The following SMIM31 variants were observed in gnomAD, a reference collection of about 807,000 sequenced individuals.
The protein encoded by SMIM31 is human epithelial cell program regulator.
At chr4:164,767,188 C>T (rs1732731110) in intron 1 of SMIM31, among the ~76,000 whole-genome samples, 2 of 152,110 alleles carry the variant, frequency 1.3e-5, no homozygotes, top group Admixed American at 6.6e-5. Flanking sequence ...AAAGATCATT[C>T]CCTTCGTGAT....
intron 2 of SMIM31, among the ~76,000 whole-genome samples, chr4:164,786,785 A>G (rs1265042374): frequency 6.6e-6 from 1 of 152,220 alleles, no homozygotes; most frequent in Non-Finnish European, 1.5e-5. Context: ...ACATTTGGAC[A>G]CTTTACATTG....
intron 1 of SMIM31, 49 bp downstream of exon 1, chr4:164,754,460 T>TC (rs1491543315): frequency 3.4e-5 from 3 of 88,404 alleles, no homozygotes; most frequent in South Asian, 7.5e-4. Flanking sequence ...ACTCTCTCTC[T>TC]TTTTTTTTTT....
chr4:164,767,833 T>C (rs993996963), intron 1 of SMIM31, among the ~76,000 whole-genome samples: 3 of 152,196 alleles, frequency 2.0e-5, no homozygotes, highest in African/African-American at 7.2e-5. Flanking sequence ...ATATCTATTA[T>C]CCCACTATGT....
At chr4:164,778,653 A>G (rs1732908376) in intron 2 of SMIM31, among the ~76,000 whole-genome samples, 1 of 152,178 alleles carries the variant, frequency 6.6e-6, no homozygotes, top group African/African-American at 2.4e-5. Context: ...TGCTATGTCT[A>G]CTTTGGAGAT....
intron 1 of SMIM31, among the ~76,000 whole-genome samples, chr4:164,759,551 C>T (rs1732618077): frequency 6.6e-6 from 1 of 152,168 alleles, no homozygotes; most frequent in Admixed American, 6.5e-5. Flanking sequence ...AAGCTTTTTC[C>T]ATTTAACTAA....
chr4:164,783,294 A>AG (rs1309555768), intron 2 of SMIM31, among the ~76,000 whole-genome samples: 9 of 148,680 alleles, frequency 6.1e-5, no homozygotes, highest in Non-Finnish European at 1.3e-4. Flanking sequence ...GAGGCTAAGG[A>AG]GGGTGAATCA....
intron 1 of SMIM31, among the ~76,000 whole-genome samples, chr4:164,757,299 T>C (rs934169435): frequency 2.6e-5 from 4 of 152,208 alleles, no homozygotes; most frequent in Non-Finnish European, 4.4e-5. Context: ...TTTTCATAAG[T>C]ATGTATTGCT....
chr4:164,774,308 A>C (rs572041940), intron 2 of SMIM31, among the ~76,000 whole-genome samples: 23 of 152,276 alleles, frequency 1.5e-4, no homozygotes, highest in Non-Finnish European at 2.5e-4. Flanking sequence ...ACACAAATCA[A>C]TTGCAAGGTG....
Position 164,768,891 on chromosome 4 carries a change from G to A in SMIM31, c.-25-1528G>A, listed in dbSNP as rs79136527. 7.9e-3 allele frequency among the ~76,000 whole-genome samples: 1,197 copies of A among 152,270 alleles called. 12 individuals are homozygous for A. Among genetic ancestry groups the A allele is most frequent in the Non-Finnish European group, 0.014 (923 of 68,024 alleles). On this transcript the variant is annotated intron_variant, in intron 1 of 2. Coordinates refer to ENST00000507311, the MANE Select transcript of SMIM31 (RefSeq NM_001352885.1). ...ATTCATTTTCCAAATATTGATGAAT[G>A]GCCGAATATGTCAGAGTGCATCAGC...
intron 2 of SMIM31, among the ~76,000 whole-genome samples, chr4:164,771,810 A>C (rs996823304): frequency 2.6e-5 from 4 of 152,176 alleles, no homozygotes; most frequent in South Asian, 2.1e-4. Context: ...CTCTGTCTCA[A>C]AAAACAAAAA....
chr4:164,795,672 G>A (rs1196583256), intron 2 of SMIM31, among the ~76,000 whole-genome samples: 1 of 151,620 alleles, frequency 6.6e-6, no homozygotes, highest in Non-Finnish European at 1.5e-5. Flanking sequence ...GAGTTGTTGG[G>A]AAGAGCAAAT....
In SMIM31 at chr4:164,795,431, G is replaced by A. The variant is rs563414964; in HGVS notation, c.113-5660G>A. On this transcript the variant is annotated intron_variant, in intron 2 of 2. Transcript: ENST00000507311. ...AAATTAGCCAGGTGTGGTGGTGGTC[G>A]CCTGTAATCCCAGCTACTCTGGAGG... 8.3e-4 allele frequency among the ~76,000 whole-genome samples: 126 copies of A among 151,964 alleles called. 1 individual carries two copies. Among genetic ancestry groups the A allele is most frequent in the African/African-American group, 2.9e-3 (121 of 41,448 alleles).
At chr4:164,775,263 C>A (rs779089456) in intron 2 of SMIM31, among the ~76,000 whole-genome samples, 1 of 152,184 alleles carries the variant, frequency 6.6e-6, no homozygotes, top group Admixed American at 6.5e-5. Context: ...TGAAGACTCC[C>A]TTGTTTACCT....
chr4:164,776,804 A>C (rs747397853), intron 2 of SMIM31, among the ~76,000 whole-genome samples: 6 of 152,188 alleles, frequency 3.9e-5, no homozygotes, highest in Non-Finnish European at 8.8e-5. Flanking sequence ...TATGAGTTTC[A>C]CATTTCATGA....
At chr4:164,760,738 T>TAAAAA (rs60710008) in intron 1 of SMIM31, among the ~76,000 whole-genome samples, 14 of 86,226 alleles carry the variant, frequency 1.6e-4, no homozygotes, top group Middle Eastern at 6.8e-3. Flanking sequence ...AGACTCCACC[T>TAAAAA]AAAAAAAAAA....
chr4:164,781,083 A>G (rs114647986), intron 2 of SMIM31, among the ~76,000 whole-genome samples: 5,398 of 152,012 alleles, frequency 0.036, 326 homozygotes, highest in African/African-American at 0.12. Context: ...TGCTGGGATT[A>G]CAGGTGTGAG....
intron 2 of SMIM31, among the ~76,000 whole-genome samples, chr4:164,789,429 A>G (rs1270925156): frequency 6.6e-6 from 1 of 152,240 alleles, no homozygotes; most frequent in Non-Finnish European, 1.5e-5. Context: ...TCTTGTACTT[A>G]CATAAAAGTC....
rs186028200 is a variant in SMIM31, at chr4:164,782,430, G to A, written c.112+11875G>A. Among the ~76,000 whole-genome samples the A allele has an allele frequency of 3.9e-3, 537 of 138,208 alleles. 3 individuals carry two copies. Among genetic ancestry groups the A allele is most frequent in the African/African-American group, 0.014 (498 of 35,244 alleles). 90.7% of individuals were successfully genotyped at this position (138,208 alleles called of 152,430 possible). On this transcript the variant is annotated intron_variant, in intron 2 of 2. Transcript: ENST00000507311. ...GTCTTGCTCTGTGGCCCAGGCTGGA[G>A]TGCAGTGGTACGATCTCGGCTCACT...
At chr4:164,772,392 T>G (rs1378874692) in intron 2 of SMIM31, among the ~76,000 whole-genome samples, 1 of 152,098 alleles carries the variant, frequency 6.6e-6, no homozygotes, top group African/African-American at 2.4e-5. Flanking sequence ...GGGTATTACA[T>G]TTCAACATGA....
Sources: allele counts gnomAD v4.1 joint callset (sites outside exome capture counted in the v4.1 genomes callset), GRCh38; gene constraint gnomAD v4.1.1; transcripts MANE v1.5; gene names NCBI Gene and HGNC (gene_info 2026-07-23, HGNC 2026-07-21).